LIN28B: variants seen among roughly 807,000 people sequenced by gnomAD.
The protein encoded by LIN28B is lin-28 RNA binding posttranscriptional regulator B.
Under a neutral mutation model 21.9 loss-of-function variants are expected in LIN28B, and 5 were observed. The ratio of observed to expected loss-of-function variants is 0.23; its 90% CI spans 0.12 to 0.48. The LOEUF is 0.48. LIN28B is among the 20% of genes least tolerant of loss of function. The pLI, the probability that LIN28B is intolerant of heterozygous loss-of-function variation, is 0.98. For synonymous variants in LIN28B, 109 were observed against 111.3 expected, an observed-to-expected ratio of 0.98 and a Z score of 0.13; for missense variants, 245 against 310.5, an observed-to-expected ratio of 0.79 and a Z score of 1.58.
intron 2 of LIN28B, among the ~76,000 whole-genome samples, chr6:105,002,396 A>G (rs1369195376): frequency 2.6e-5 from 4 of 152,146 alleles, no homozygotes; most frequent in Non-Finnish European, 5.9e-5. Context: ...TAGGGTAGAG[A>G]TGGAATCTAT....
intron 3 of LIN28B, among the ~76,000 whole-genome samples, chr6:105,064,719 T>C (rs1772187484): frequency 6.6e-6 from 1 of 152,178 alleles, no homozygotes; most frequent in African/African-American, 2.4e-5. Context: ...TTTACCTCCT[T>C]TTACCACACC....
chr6:104,974,812 T>TATC (rs1197980031), intron 2 of LIN28B, among the ~76,000 whole-genome samples: 7 of 151,354 alleles, frequency 4.6e-5, no homozygotes, highest in Non-Finnish European at 2.9e-5. Context: ...TATTTTGAAT[T>TATC]ATTATTATTA....
chr6:104,987,275 A>C (rs1216118193), intron 2 of LIN28B, among the ~76,000 whole-genome samples: 1 of 152,142 alleles, frequency 6.6e-6, no homozygotes, highest in East Asian at 1.9e-4. Context: ...TTTACTCTAC[A>C]TAAGAATAAT....
At chr6:104,941,528 G>A (rs1030542969) in intron 2 of LIN28B, 6 of 149,952 alleles carry the variant, frequency 4.0e-5, no homozygotes, top group African/African-American at 1.5e-4. Context: ...GGTCCCGGCG[G>A]CGGGTCCTCG....
At chr6:105,038,542 A>G (rs997655265) in intron 3 of LIN28B, among the ~76,000 whole-genome samples, 1 of 152,172 alleles carries the variant, frequency 6.6e-6, no homozygotes, top group Non-Finnish European at 1.5e-5. Flanking sequence ...GTCCAAGAAT[A>G]ATGACTTCTT....
intron 2 of LIN28B, among the ~76,000 whole-genome samples, chr6:105,012,495 C>G (rs1361981485): frequency 6.6e-6 from 1 of 151,538 alleles, no homozygotes; most frequent in Non-Finnish European, 1.5e-5. Context: ...AACAAACAAA[C>G]AAACAAAAAC....
chr6:105,055,251 C>T (rs1771999795), intron 3 of LIN28B, among the ~76,000 whole-genome samples: 2 of 152,054 alleles, frequency 1.3e-5, no homozygotes, highest in South Asian at 4.1e-4. Context: ...TTTTATTCTG[C>T]TTCGTTCTCT....
At chr6:104,980,240 T>C (rs563076110) in intron 2 of LIN28B, among the ~76,000 whole-genome samples, 9 of 152,370 alleles carry the variant, frequency 5.9e-5, no homozygotes, top group African/African-American at 1.7e-4. Flanking sequence ...TATACAAGTT[T>C]TGATGAATCT....
intron 3 of LIN28B, among the ~76,000 whole-genome samples, chr6:105,030,080 T>C (rs1307732321): frequency 6.6e-6 from 1 of 152,222 alleles, no homozygotes; most frequent in African/African-American, 2.4e-5. Context: ...TAATATCTAA[T>C]AATTTCCAAC....
At chr6:105,065,243 A>G (rs1298255133) in intron 3 of LIN28B, among the ~76,000 whole-genome samples, 1 of 152,220 alleles carries the variant, frequency 6.6e-6, no homozygotes, top group Admixed American at 6.5e-5. Flanking sequence ...AGATTATGAC[A>G]TGAAGGGCAC....
chr6:104,979,364 C>T lies in LIN28B; in HGVS notation c.198+21078C>T, dbSNP rs574250208. On this transcript the variant is annotated intron_variant, in intron 2 of 3. Transcript: ENST00000345080. ...AGCTGATTACAGGTGTGCGCCACCA[C>T]GCCCGGCTAATTTTTGTATTTTTAG... Among the ~76,000 whole-genome samples the T allele has an allele frequency of 5.7e-4, 87 of 152,024 alleles. No individual in the cohort carries two copies. The South Asian group carries it at 0.017, about 29-fold the overall frequency.
At chr6:104,967,782 A>G (rs988535904) in intron 2 of LIN28B, among the ~76,000 whole-genome samples, 1 of 151,978 alleles carries the variant, frequency 6.6e-6, no homozygotes, top group African/African-American at 2.4e-5. Flanking sequence ...TGGCTCAAGC[A>G]ATTATCCAAC....
chr6:105,009,501 TAA>T (rs1195992299), intron 2 of LIN28B, among the ~76,000 whole-genome samples: 1 of 152,154 alleles, frequency 6.6e-6, no homozygotes, highest in African/African-American at 2.4e-5. Flanking sequence ...AAGCCAAAGA[TAA>T]GTTTGAATTT....
intron 2 of LIN28B, among the ~76,000 whole-genome samples, chr6:104,995,348 C>T (rs1160083621): frequency 6.6e-6 from 1 of 152,182 alleles, no homozygotes; most frequent in Non-Finnish European, 1.5e-5. Flanking sequence ...TGACTTATTA[C>T]ATTTCTAGCT....
At chr6:104,990,726 T>C (rs894918879) in intron 2 of LIN28B, among the ~76,000 whole-genome samples, 1 of 152,152 alleles carries the variant, frequency 6.6e-6, no homozygotes, top group Non-Finnish European at 1.5e-5. Context: ...GCAGTGTTTG[T>C]GTCCCTGGGT....
intron 2 of LIN28B, among the ~76,000 whole-genome samples, chr6:104,987,744 A>G (rs1184773941): frequency 6.6e-6 from 1 of 151,872 alleles, no homozygotes; most frequent in African/African-American, 2.4e-5. Flanking sequence ...TCCCATCTCA[A>G]TACTCGTCTT....
intron 2 of LIN28B, among the ~76,000 whole-genome samples, chr6:104,981,729 C>G (rs1210677821): frequency 6.6e-6 from 1 of 152,132 alleles, no homozygotes; most frequent in South Asian, 2.1e-4. Context: ...GAAGAGAAAG[C>G]AATTTTAATG....
intron 2 of LIN28B, among the ~76,000 whole-genome samples, chr6:104,959,989 G>A (rs1206402904): frequency 6.6e-6 from 1 of 152,002 alleles, no homozygotes; most frequent in African/African-American, 2.4e-5. Context: ...AGACATTTGT[G>A]TTTATACTAT....
chr6:105,058,230 C>A, intron 3 of LIN28B: 1 of 203,406 alleles, frequency 4.9e-6, no homozygotes. Context: ...CATATAGCAT[C>A]TGGCTTGTGA....
Sources: gnomAD v4.1 joint callset for allele counts (sites outside exome capture counted in the v4.1 genomes callset) on GRCh38, gnomAD v4.1.1 for gene constraint, MANE v1.5 for transcripts, NCBI Gene and HGNC (gene_info 2026-07-23, HGNC 2026-07-21) for gene names.